The following SGCZ variants were observed in gnomAD, a reference collection of about 807,000 sequenced individuals.
SGCZ encodes zeta-sarcoglycan.
In SGCZ, 40 loss-of-function variants were observed where a neutral mutation model predicts 41.3. The ratio of observed to expected loss-of-function variants is 0.97; its 90% confidence interval spans 0.75 to 1.26. The LOEUF (loss-of-function observed/expected upper bound fraction) is 1.26, where lower values mean the gene tolerates loss of function less well. Among genes scored for constraint, SGCZ ranks in the 50% most tolerant of loss-of-function variants. The probability of loss-of-function intolerance (pLI) is 0.00; values close to 1 mark genes in which losing one functional copy is unlikely to be tolerated. For missense variants in SGCZ, 552 were observed against 369.8 expected (o/e 1.49, Z -4.04); for synonymous variants, 206 against 137.5 (o/e 1.50, Z -3.49).
At chr8:14,425,389 G>C (rs548563025) in intron 2 of SGCZ, among the ~76,000 whole-genome samples, 9 of 152,226 alleles carry the variant, frequency 5.9e-5, no homozygotes, top group Non-Finnish European at 1.2e-4. Flanking sequence ...GGGAGGCCGA[G>C]GCAGGTGGAT....
chr8:14,183,095 A>C (rs942071037), intron 4 of SGCZ, among the ~76,000 whole-genome samples: 3 of 152,150 alleles, frequency 2.0e-5, no homozygotes, highest in Non-Finnish European at 4.4e-5. Flanking sequence ...ATAGTAATAA[A>C]AAACACATTA....
chr8:15,232,049 T>C (rs950885291), intron 1 of SGCZ, among the ~76,000 whole-genome samples: 3 of 152,242 alleles, frequency 2.0e-5, no homozygotes, highest in African/African-American at 7.2e-5. Context: ...CCTTGACATG[T>C]AAGCATTTAC....
intron 1 of SGCZ, among the ~76,000 whole-genome samples, chr8:14,927,171 C>T (rs1015389642): frequency 5.1e-5 from 7 of 138,212 alleles, no homozygotes; most frequent in African/African-American, 1.7e-4. Flanking sequence ...TGCAATGGCG[C>T]GATCTCGGCT....
At chr8:14,454,203 G>T (rs983410185) in intron 2 of SGCZ, among the ~76,000 whole-genome samples, 10 of 152,242 alleles carry the variant, frequency 6.6e-5, no homozygotes, top group African/African-American at 2.4e-4. Flanking sequence ...TAATATGTAG[G>T]TTAAGAAGGT....
chr8:14,462,171 T>A (rs1378328583), intron 2 of SGCZ, among the ~76,000 whole-genome samples: 1 of 151,946 alleles, frequency 6.6e-6, no homozygotes, highest in Non-Finnish European at 1.5e-5. Context: ...TCTATCCAAT[T>A]GGAATAATAA....
chr8:14,640,194 G>C (rs1301468020), intron 1 of SGCZ, among the ~76,000 whole-genome samples: 2 of 151,704 alleles, frequency 1.3e-5, no homozygotes, highest in African/African-American at 2.4e-5. Context: ...AATTAAAATT[G>C]CTTTATCTTC....
intron 1 of SGCZ, among the ~76,000 whole-genome samples, chr8:14,969,121 C>G (rs1801213199): frequency 6.6e-6 from 1 of 152,144 alleles, no homozygotes; most frequent in Non-Finnish European, 1.5e-5. Flanking sequence ...CTCATATCCA[C>G]TAAAATGAGA....
chr8:14,948,217 C>T (rs1324836966), intron 1 of SGCZ, among the ~76,000 whole-genome samples: 2 of 152,108 alleles, frequency 1.3e-5, no homozygotes, highest in Admixed American at 6.5e-5. Context: ...GAAAAAATAT[C>T]ATAATCAATA....
At chr8:14,522,029 G>A (rs1563383667) in intron 2 of SGCZ, among the ~76,000 whole-genome samples, 1 of 152,018 alleles carries the variant, frequency 6.6e-6, no homozygotes, top group Admixed American at 6.6e-5. Context: ...ATGATCAAGC[G>A]ATATTTCATC....
At chr8:14,713,121 C>T (rs76336463) in intron 1 of SGCZ, among the ~76,000 whole-genome samples, 20 of 152,076 alleles carry the variant, frequency 1.3e-4, no homozygotes, top group Non-Finnish European at 2.8e-4. Flanking sequence ...AATAAATTAG[C>T]TATGATTAGA....
At chr8:14,716,716 G>A (rs1809701290) in intron 1 of SGCZ, among the ~76,000 whole-genome samples, 1 of 151,950 alleles carries the variant, frequency 6.6e-6, no homozygotes, top group Non-Finnish European at 1.5e-5. Context: ...GTTTCTAAAT[G>A]CATAGTTCAT....
intron 1 of SGCZ, among the ~76,000 whole-genome samples, chr8:14,677,788 A>G (rs1808322358): frequency 6.6e-6 from 1 of 152,104 alleles, no homozygotes; most frequent in Non-Finnish European, 1.5e-5. Context: ...AAATACATAA[A>G]TAAATAAATA....
At chr8:14,172,424 T>C (rs943425386) in intron 4 of SGCZ, among the ~76,000 whole-genome samples, 3 of 152,090 alleles carry the variant, frequency 2.0e-5, no homozygotes, top group Admixed American at 6.6e-5. Context: ...GGTCTGTTTT[T>C]AGACATGCAG....
At chr8:14,419,265 C>A (rs1453779377) in intron 2 of SGCZ, among the ~76,000 whole-genome samples, 3 of 151,728 alleles carry the variant, frequency 2.0e-5, no homozygotes, top group Non-Finnish European at 2.9e-5. Context: ...GTTATTAGAC[C>A]AGAAAAAAAT....
At chr8:15,069,898 T>A (rs1348237625) in intron 1 of SGCZ, among the ~76,000 whole-genome samples, 1 of 152,104 alleles carries the variant, frequency 6.6e-6, no homozygotes, top group Non-Finnish European at 1.5e-5. Context: ...TGTATGCATA[T>A]CTGTTTCATT....
intron 1 of SGCZ, among the ~76,000 whole-genome samples, chr8:14,654,213 TG>T (rs1807489275): frequency 6.6e-6 from 1 of 150,650 alleles, no homozygotes; most frequent in East Asian, 1.9e-4. Context: ...GGGTAACATA[TG>T]ACAAATTATA....
At chr8:14,379,429 A>C (rs1427084282) in intron 2 of SGCZ, among the ~76,000 whole-genome samples, 2 of 152,246 alleles carry the variant, frequency 1.3e-5, no homozygotes, top group East Asian at 3.9e-4. Flanking sequence ...AATTTGCAAA[A>C]CCTATATGAG....
Position 14,847,089 on chromosome 8 carries a change from G to GA in SGCZ, c.40-292164dup, listed in dbSNP as rs1454964216. ...TTCATCTCTACAAGACAAAATAGAAGAAGAAGAAAGAAGAAAGAAGAAAGA... is the reference window on the plus strand; with the variant it reads ...TTCATCTCTACAAGACAAAATAGAAGAAAGAAGAAAGAAGAAAGAAGAAAGA... On this transcript the variant is annotated intron_variant, in intron 1 of 7. Coordinates refer to ENST00000382080, the MANE Select transcript of SGCZ (RefSeq NM_139167.4). Among the ~76,000 whole-genome samples the GA allele has an allele frequency of 5.0e-5, 7 of 139,348 alleles. No individual in the cohort carries two copies. The East Asian group carries it at 1.5e-3, about 30-fold the overall frequency. 91.4% of individuals were successfully genotyped at this position (139,348 alleles called of 152,430 possible).
chr8:14,475,828 T>C (rs1801341895), intron 2 of SGCZ, among the ~76,000 whole-genome samples: 2 of 152,098 alleles, frequency 1.3e-5, no homozygotes, highest in African/African-American at 2.4e-5. Context: ...CACATTGTGA[T>C]AGTTATTTTA....
Sources: allele counts gnomAD v4.1 joint callset (sites outside exome capture counted in the v4.1 genomes callset), GRCh38; gene constraint gnomAD v4.1.1; transcripts MANE v1.5; gene names NCBI Gene and HGNC (gene_info 2026-07-23, HGNC 2026-07-21).